KIAA1217: variants seen among roughly 807,000 people sequenced by gnomAD.
KIAA1217 encodes the protein KIAA1217, also known as sickle tail protein homolog.
Under a neutral mutation model 163.9 loss-of-function variants are expected in KIAA1217, and 88 were observed. That is an observed-to-expected ratio of 0.54 (90% CI 0.45 to 0.64). KIAA1217 has a LOEUF of 0.64. Ranked by LOEUF, KIAA1217 falls within the 30% of genes least tolerant of loss-of-function variation. The pLI, the probability that KIAA1217 is intolerant of heterozygous loss-of-function variation, is 0.00. For missense variants in KIAA1217, 2,372 were observed against 2,475.0 expected (o/e 0.96, Z 0.88); for synonymous variants, 903 against 923.1 (o/e 0.98, Z 0.39).
chr10:24,286,475 C>A (rs2078556756), intron 2 of KIAA1217, among the ~76,000 whole-genome samples: 1 of 151,866 alleles, frequency 6.6e-6, no homozygotes, highest in Non-Finnish European at 1.5e-5. Flanking sequence ...CACACACATA[C>A]ACATACACAC....
chr10:24,243,277 CT>C (rs1436145241), intron 2 of KIAA1217, among the ~76,000 whole-genome samples: 3 of 152,008 alleles, frequency 2.0e-5, no homozygotes, highest in African/African-American at 7.2e-5. Context: ...ATTTTATTTT[CT>C]TTTAGATTCA....
intron 1 of KIAA1217, among the ~76,000 whole-genome samples, chr10:23,995,684 G>A (rs147153803): frequency 5.3e-4 from 81 of 152,296 alleles, no homozygotes; most frequent in African/African-American, 1.8e-3. Flanking sequence ...GCATTGAGAA[G>A]TTTGGAAGCA....
chr10:24,533,395 G>A (rs1042776011), intron 16 of KIAA1217, among the ~76,000 whole-genome samples, 158 bp downstream of exon 16: 6 of 152,204 alleles, frequency 3.9e-5, no homozygotes, highest in Non-Finnish European at 8.8e-5. Flanking sequence ...TTCCCAAGAT[G>A]GCGCTGAACA....
intron 1 of KIAA1217, among the ~76,000 whole-genome samples, chr10:23,764,149 T>C (rs1834398967): frequency 6.6e-6 from 1 of 152,026 alleles, no homozygotes; most frequent in Non-Finnish European, 1.5e-5. Context: ...GCAAAGGATA[T>C]GAACAGACAC....
intron 9 of KIAA1217, among the ~76,000 whole-genome samples, chr10:24,506,656 T>C (rs554245002): frequency 1.4e-4 from 22 of 152,226 alleles, no homozygotes; most frequent in African/African-American, 5.3e-4. Context: ...TTTTCAGAAA[T>C]TAAACAACAC....
At chr10:24,349,302 T>C (rs571228954) in intron 2 of KIAA1217, among the ~76,000 whole-genome samples, 1 of 152,302 alleles carries the variant, frequency 6.6e-6, no homozygotes, top group African/African-American at 2.4e-5. Context: ...AATGAACCAA[T>C]GTGTAATATA....
intron 2 of KIAA1217, among the ~76,000 whole-genome samples, chr10:24,313,345 G>A (rs532189034): frequency 2.0e-5 from 3 of 152,320 alleles, no homozygotes; most frequent in East Asian, 3.9e-4. Flanking sequence ...ACGTGACAAA[G>A]TGCTCTTACT....
At chr10:24,295,503 C>T (rs2040483786) in intron 2 of KIAA1217, among the ~76,000 whole-genome samples, 1 of 152,044 alleles carries the variant, frequency 6.6e-6, no homozygotes, top group Non-Finnish European at 1.5e-5. Flanking sequence ...ATTTCCTTTC[C>T]TCCGCCCCTT....
chr10:24,072,849 G>GA (rs1263818915), intron 2 of KIAA1217, among the ~76,000 whole-genome samples: 1 of 152,050 alleles, frequency 6.6e-6, no homozygotes, highest in Admixed American at 6.6e-5. Flanking sequence ...AAGCCTGTCA[G>GA]AAAGAAGGAC....
chr10:24,157,873 A>G (rs535675232), intron 2 of KIAA1217: 3 of 586,754 alleles, frequency 5.1e-6, no homozygotes, highest in African/African-American at 3.8e-5. Context: ...TGCCTGCATT[A>G]GGATCTGAAC....
intron 1 of KIAA1217, among the ~76,000 whole-genome samples, chr10:23,887,984 T>G (rs1841255422): frequency 6.6e-6 from 1 of 151,962 alleles, no homozygotes; most frequent in Admixed American, 6.6e-5. Flanking sequence ...TTTTGATACA[T>G]TACTTAGGAT....
intron 1 of KIAA1217, among the ~76,000 whole-genome samples, chr10:23,697,459 G>T (rs7916300): frequency 1.3e-5 from 2 of 151,982 alleles, no homozygotes; most frequent in East Asian, 1.9e-4. Flanking sequence ...ATTGCAGTAC[G>T]GTAGAAGGTG....
At chr10:23,778,850 T>C (rs1018185517) in intron 1 of KIAA1217, among the ~76,000 whole-genome samples, 25 of 152,202 alleles carry the variant, frequency 1.6e-4, no homozygotes, top group African/African-American at 5.8e-4. Flanking sequence ...TGTAACATTT[T>C]TATATATGGT....
At chr10:24,398,302 T>C (rs2056098374) in intron 3 of KIAA1217, among the ~76,000 whole-genome samples, 1 of 152,186 alleles carries the variant, frequency 6.6e-6, no homozygotes, top group Non-Finnish European at 1.5e-5. Context: ...ATCCCCATCA[T>C]CTTCACATTG....
intron 2 of KIAA1217, among the ~76,000 whole-genome samples, chr10:24,029,450 A>G (rs1184605670): frequency 1.3e-5 from 2 of 152,284 alleles, no homozygotes; most frequent in Admixed American, 6.5e-5. Context: ...CTTTTTGCTC[A>G]TAAAAACAAG....
chr10:23,764,889 T>C (rs1834434467), intron 1 of KIAA1217, among the ~76,000 whole-genome samples: 1 of 152,184 alleles, frequency 6.6e-6, no homozygotes, highest in Non-Finnish European at 1.5e-5. Context: ...AACCTGCACG[T>C]TGTGCACACA....
At chr10:24,145,591 C>T (rs1488971605) in intron 2 of KIAA1217, among the ~76,000 whole-genome samples, 1 of 152,194 alleles carries the variant, frequency 6.6e-6, no homozygotes, top group African/African-American at 2.4e-5. Flanking sequence ...AGTATTGACT[C>T]ACGTGATCAC....
intron 1 of KIAA1217, among the ~76,000 whole-genome samples, chr10:23,792,383 C>A (rs1276772891): frequency 6.6e-6 from 1 of 152,138 alleles, no homozygotes; most frequent in East Asian, 1.9e-4. Context: ...TAATTTAGTT[C>A]TCTTATAGTA....
At chr10:23,866,453 G>A (rs4590764) in intron 1 of KIAA1217, among the ~76,000 whole-genome samples, 25 of 152,146 alleles carry the variant, frequency 1.6e-4, no homozygotes, top group African/African-American at 6.0e-4. Flanking sequence ...TTTCCTGTTA[G>A]TACACCCACA....
Sources: allele counts gnomAD v4.1 joint callset (sites outside exome capture counted in the v4.1 genomes callset), GRCh38; gene constraint gnomAD v4.1.1; transcripts MANE v1.5; gene names NCBI Gene and HGNC (gene_info 2026-07-23, HGNC 2026-07-21).